OR2L13: variants seen among roughly 807,000 people sequenced by gnomAD.
OR2L13 encodes the protein olfactory receptor family 2 subfamily L member 13, also known as olfactory receptor 2L13.
Under a neutral mutation model 15.3 loss-of-function variants are expected in OR2L13, and 14 were observed. That is an observed-to-expected ratio of 0.91 (90% CI 0.60 to 1.43). The LOEUF (loss-of-function observed/expected upper bound fraction) is 1.43. Among genes scored for constraint, OR2L13 ranks in the 40% most tolerant of loss-of-function variants. The probability of loss-of-function intolerance (pLI) is 0.00; values close to 1 mark genes in which losing one functional copy is unlikely to be tolerated. For synonymous variants in OR2L13, 152 were observed against 142.9 expected, an observed-to-expected ratio of 1.06 and a Z score of -0.45; for missense variants, 367 against 387.9, an observed-to-expected ratio of 0.95 and a Z score of 0.45.
At chr1:248,061,625 A>G in the OR2L13 span, 2 of 1,608,114 alleles carry the variant, frequency 1.2e-6, no homozygotes, top group Non-Finnish European at 8.5e-7. Flanking sequence ...ATGTAGAAAC[A>G]TTTTCTACCT....
At chr1:248,013,521 C>T in the OR2L13 span, 1 of 152,124 alleles carries the variant, frequency 6.6e-6, no homozygotes, top group Non-Finnish European at 1.5e-5. Context: ...CTGTTAATCT[C>T]ATTCTCCAGG....
chr1:248,021,163 A>G, the OR2L13 span, among the ~76,000 whole-genome samples: 7 of 152,120 alleles, frequency 4.6e-5, no homozygotes, highest in Admixed American at 4.6e-4. Context: ...TGGGCATCAA[A>G]CATTCCTATC....
the OR2L13 span, chr1:248,083,564 T>C: frequency 9.5e-7 from 1 of 1,053,804 alleles, no homozygotes; most frequent in Non-Finnish European, 1.4e-6. Context: ...CATGAACTAC[T>C]AAAGGGAGAG....
the OR2L13 span, among the ~76,000 whole-genome samples, chr1:247,988,839 C>T: frequency 5.9e-5 from 9 of 152,108 alleles, no homozygotes; most frequent in African/African-American, 2.2e-4. Flanking sequence ...TTTGAAGGAT[C>T]ATAAAGTAAT....
At chr1:248,101,023 C>G (rs1007387221) in exon 3 of OR2L13, 1 of 152,166 alleles carries the variant, frequency 6.6e-6, no homozygotes, top group African/African-American at 2.4e-5. Context: ...TTTAATAAAA[C>G]TATTCAGGGA....
chr1:248,038,547 A>G, the OR2L13 span: 9 of 1,614,026 alleles, frequency 5.6e-6, no homozygotes, highest in Admixed American at 1.2e-4. Context: ...TATCTCCTTC[A>G]CTGGATGTGG....
At chr1:247,973,154 A>G in the OR2L13 span, among the ~76,000 whole-genome samples, 1 of 152,182 alleles carries the variant, frequency 6.6e-6, no homozygotes, top group South Asian at 2.1e-4. Context: ...TTTATGACAA[A>G]CACATACCCA....
chr1:248,027,445 C>A, the OR2L13 span, among the ~76,000 whole-genome samples: 1 of 152,210 alleles, frequency 6.6e-6, no homozygotes, highest in Non-Finnish European at 1.5e-5. Flanking sequence ...CTGTGACCCA[C>A]ACCCTATTTG....
the OR2L13 span, among the ~76,000 whole-genome samples, chr1:247,993,819 GAGAA>G: frequency 6.9e-6 from 1 of 145,646 alleles, no homozygotes; most frequent in Admixed American, 6.7e-5. Context: ...GAGAAAGAAA[GAGAA>G]AGAAAGAGAG....
chr1:248,098,622 G>A (rs899551205), intron 1 of OR2L13, 29 bp from the exon 2 acceptor site: 1 of 152,108 alleles, frequency 6.6e-6, no homozygotes, highest in Non-Finnish European at 1.5e-5. Flanking sequence ...GTGAATAATT[G>A]CAACAAACTA....
At chr1:248,044,477 A>C in the OR2L13 span, among the ~76,000 whole-genome samples, 1 of 152,064 alleles carries the variant, frequency 6.6e-6, no homozygotes, top group African/African-American at 2.4e-5. Flanking sequence ...CAATACCCAC[A>C]CTTTAGCTCA....
At chr1:247,962,098 G>A in the OR2L13 span, among the ~76,000 whole-genome samples, 4 of 152,110 alleles carry the variant, frequency 2.6e-5, no homozygotes, top group African/African-American at 7.2e-5. Flanking sequence ...TGGCCCAGAG[G>A]AGAAAGTCTA....
At chr1:248,093,969 A>G (rs574919298), upstream of OR2L13, among the ~76,000 whole-genome samples, 22 of 152,322 alleles carry the variant, frequency 1.4e-4, 1 homozygote, top group South Asian at 4.1e-3. Context: ...GCTCAAAAAT[A>G]CAGTTAGGAT....
At chr1:247,938,166 A>G in the OR2L13 span, among the ~76,000 whole-genome samples, 1 of 152,152 alleles carries the variant, frequency 6.6e-6, no homozygotes, top group African/African-American at 2.4e-5. Flanking sequence ...GAGTTTTTTT[A>G]CTTGATTCCA....
At chr1:248,016,488 A>G in the OR2L13 span, among the ~76,000 whole-genome samples, 2 of 152,182 alleles carry the variant, frequency 1.3e-5, no homozygotes, top group Non-Finnish European at 2.9e-5. Flanking sequence ...AGAAGTTTAA[A>G]TGATTGAATT....
At chr1:248,056,216 C>T in the OR2L13 span, among the ~76,000 whole-genome samples, 1 of 151,970 alleles carries the variant, frequency 6.6e-6, no homozygotes, top group Admixed American at 6.6e-5. Context: ...TACATGTGTA[C>T]AACGTGCAGG....
At chr1:248,061,194 G>A in the OR2L13 span, 2 of 1,611,922 alleles carry the variant, frequency 1.2e-6, no homozygotes, top group Non-Finnish European at 1.7e-6. Context: ...GCCAATCCAG[G>A]GCCATCAATC....
At chr1:248,015,366 C>G in the OR2L13 span, among the ~76,000 whole-genome samples, 1 of 152,028 alleles carries the variant, frequency 6.6e-6, no homozygotes, top group Non-Finnish European at 1.5e-5. Context: ...GCCTATACTC[C>G]GGAGGACACT....
the OR2L13 span, among the ~76,000 whole-genome samples, chr1:248,044,336 A>G: frequency 1.8e-4 from 27 of 152,332 alleles, no homozygotes; most frequent in Admixed American, 5.9e-4. Flanking sequence ...CTAAAAATAA[A>G]TGGAATACAT....
Sources: allele counts gnomAD v4.1 joint callset (sites outside exome capture counted in the v4.1 genomes callset), GRCh38; gene constraint gnomAD v4.1.1; transcripts MANE v1.5; gene names NCBI Gene and HGNC (gene_info 2026-07-23, HGNC 2026-07-21).